The following CDH23 variants were observed in gnomAD, a reference collection of about 807,000 sequenced individuals.
CDH23 encodes the protein cadherin-23.
A neutral mutation model predicts 317.1 loss-of-function variants in CDH23; 189 were observed. The observed-to-expected ratio is 0.60, with a 90% CI of 0.53 to 0.67. The LOEUF is 0.67. CDH23 is among the 30% of genes least tolerant of loss of function. The pLI is 0.00. For synonymous variants in CDH23, 1,839 were observed against 1,876.8 expected, an observed-to-expected ratio of 0.98 and a Z score of 0.52; for missense variants, 4,401 against 4,592.4, an observed-to-expected ratio of 0.96 and a Z score of 1.20.
chr10:71,652,596 C>T (rs1426608432), intron 14 of CDH23, among the ~76,000 whole-genome samples: 1 of 152,234 alleles, frequency 6.6e-6, no homozygotes, highest in East Asian at 1.9e-4. Flanking sequence ...TCAGTTTCCT[C>T]TTCTGTGAGC....
chr10:71,690,486 T>C lies in CDH23; in HGVS notation c.2078T>C (p.Leu693Pro), dbSNP rs779771548. ...CCTGAAGGAGCCACGGTGCTGTTCC[T>C]GAATGCCACAGACCTGGACCGCTCC... ...NIMAGATVLF[L>P]NATDLDRSRE... The change falls in exon 20 of 70, where the codon CTG (leucine) becomes CCG (proline). Residue 693 changes from leucine to proline, a missense_variant. Leu to Pro is a moderately conservative substitution (Grantham distance 98). Transcript: ENST00000224721. The C allele has an allele frequency of 3.4e-5, 55 of 1,608,384 alleles. 1 individual carries two copies. The South Asian group carries it at 3.6e-4, about 10-fold the overall frequency.
chr10:71,686,467 A>G (rs1404926813), intron 18 of CDH23, among the ~76,000 whole-genome samples: 1 of 152,126 alleles, frequency 6.6e-6, no homozygotes, highest in Non-Finnish European at 1.5e-5. Flanking sequence ...CTGGGCACCC[A>G]CAATCTTAGC....
At chr10:71,432,309 T>C (rs961923142) in intron 1 of CDH23, among the ~76,000 whole-genome samples, 2 of 139,304 alleles carry the variant, frequency 1.4e-5, no homozygotes, top group Non-Finnish European at 3.1e-5. Context: ...AGTGTGTGAA[T>C]GTGTGGGTGT....
chr10:71,520,775 T>C (rs1159685429), intron 6 of CDH23, among the ~76,000 whole-genome samples: 1 of 152,204 alleles, frequency 6.6e-6, no homozygotes, highest in Non-Finnish European at 1.5e-5. Context: ...GTTTTTATCT[T>C]GGTCCCTTCA....
At chr10:71,675,033 G>T in intron 14 of CDH23, 79 bp from the exon 15 acceptor site, 1 of 1,320,578 alleles carries the variant, frequency 7.6e-7, no homozygotes. Context: ...GGAGACGTGC[G>T]AGAGGAACAT....
At chr10:71,591,896 C>T (rs1037770578) in intron 9 of CDH23, among the ~76,000 whole-genome samples, 4 of 151,986 alleles carry the variant, frequency 2.6e-5, no homozygotes, top group African/African-American at 4.8e-5. Flanking sequence ...ATGTTTTTGG[C>T]GCTGCTGCTG....
At chr10:71,633,170 C>A (rs760922314) in intron 11 of CDH23, among the ~76,000 whole-genome samples, 5 of 152,032 alleles carry the variant, frequency 3.3e-5, no homozygotes, top group Admixed American at 6.6e-5. Flanking sequence ...AGAGCCCTCA[C>A]GATCCAATCA....
rs189871868 is a variant in CDH23 at position 71,773,161 on chromosome 10, T to A, written c.4846-4519T>A. Reference sequence around the variant, plus strand: ...TGTCAGAGCATGCAGATGTGCCCGATGCCTAGCTGGGGCACTTGGCACAGT... The same window carrying A: ...TGTCAGAGCATGCAGATGTGCCCGAAGCCTAGCTGGGGCACTTGGCACAGT... On this transcript the variant is annotated intron_variant, in intron 38 of 69. Coordinates refer to ENST00000224721, the MANE Select transcript of CDH23 (RefSeq NM_022124.6). Among the ~76,000 whole-genome samples the A allele has an allele frequency of 6.4e-4, 97 of 152,340 alleles. 1 individual carries two copies. Among genetic ancestry groups the A allele is most frequent in the African/African-American group, 2.3e-3 (97 of 41,578 alleles).
intron 3 of CDH23, among the ~76,000 whole-genome samples, chr10:71,481,317 A>G (rs534236436): frequency 6.6e-6 from 1 of 152,310 alleles, no homozygotes; most frequent in East Asian, 1.9e-4. Context: ...CGAAGGGGTG[A>G]AGGCATTAAC....
At chr10:71,717,993 T>C (rs1239937520) in intron 28 of CDH23, 3 of 152,192 alleles carry the variant, frequency 2.0e-5, no homozygotes, top group African/African-American at 7.2e-5. Flanking sequence ...CAGGTCAGCA[T>C]GTGTGATATT....
intron 11 of CDH23, among the ~76,000 whole-genome samples, chr10:71,634,604 T>G (rs922478722): frequency 1.3e-5 from 2 of 152,208 alleles, no homozygotes; most frequent in Non-Finnish European, 2.9e-5. Flanking sequence ...GCCAGGTGCC[T>G]TCCAAACAGA....
chr10:71,614,149 G>A (rs1861056626), intron 9 of CDH23, among the ~76,000 whole-genome samples: 1 of 152,190 alleles, frequency 6.6e-6, no homozygotes, highest in African/African-American at 2.4e-5. Context: ...TTTCCCATCT[G>A]TAAACAGCCC....
chr10:71,482,729 G>A (rs1032247695), intron 3 of CDH23, among the ~76,000 whole-genome samples: 6 of 152,216 alleles, frequency 3.9e-5, no homozygotes, highest in Non-Finnish European at 5.9e-5. Flanking sequence ...AGCCGAGTGC[G>A]AATGGAGACA....
At chr10:71,505,485 C>T (rs1853581963) in intron 3 of CDH23, among the ~76,000 whole-genome samples, 1 of 151,954 alleles carries the variant, frequency 6.6e-6, no homozygotes, top group Non-Finnish European at 1.5e-5. Context: ...ACTCGGCGAG[C>T]TCCGCTTACT....
intron 9 of CDH23, among the ~76,000 whole-genome samples, chr10:71,586,020 A>G (rs1440422024): frequency 3.3e-5 from 5 of 152,190 alleles, no homozygotes; most frequent in African/African-American, 1.2e-4. Context: ...CTTGCTCGGG[A>G]CATAGAGTGC....
intron 14 of CDH23, among the ~76,000 whole-genome samples, chr10:71,656,825 G>A (rs1564713870): frequency 6.6e-6 from 1 of 152,136 alleles, no homozygotes; most frequent in Non-Finnish European, 1.5e-5. Flanking sequence ...GAGGCCGGGA[G>A]GTGATGAGGC....
At chr10:71,569,850 A>G (rs1162112474) in intron 7 of CDH23, among the ~76,000 whole-genome samples, 2 of 152,178 alleles carry the variant, frequency 1.3e-5, no homozygotes, top group African/African-American at 4.8e-5. Flanking sequence ...CTTAAACAGT[A>G]GAAGATAGAT....
intron 6 of CDH23, among the ~76,000 whole-genome samples, chr10:71,525,393 G>C (rs953961649): frequency 1.3e-5 from 2 of 152,188 alleles, no homozygotes; most frequent in African/African-American, 4.8e-5. Context: ...CACCCCTGAA[G>C]CACCCCCAGG....
chr10:71,651,128 C>T (rs937117402), intron 14 of CDH23, among the ~76,000 whole-genome samples: 2 of 152,134 alleles, frequency 1.3e-5, no homozygotes, highest in African/African-American at 4.8e-5. Flanking sequence ...TCAGGGAGTA[C>T]GCGAACCTCT....
Sources: allele counts gnomAD v4.1 joint callset (sites outside exome capture counted in the v4.1 genomes callset), GRCh38; gene constraint gnomAD v4.1.1; transcripts MANE v1.5; gene names NCBI Gene and HGNC (gene_info 2026-07-23, HGNC 2026-07-21).